SEL1L3: variants seen among roughly 807,000 people sequenced by gnomAD.
SEL1L3 encodes the protein SEL1L family member 3, also known as protein sel-1 homolog 3.
SEL1L3 carries 76 observed loss-of-function variants against 142.8 expected under a neutral mutation model. The ratio of observed to expected loss-of-function variants is 0.53; its 90% confidence interval spans 0.44 to 0.64. The LOEUF is 0.64. Ranked by LOEUF, SEL1L3 falls within the 30% of genes least tolerant of loss-of-function variation. SEL1L3 has a pLI of 0.00. For synonymous variants in SEL1L3, 504 were observed against 519.6 expected, an observed-to-expected ratio of 0.97 and a Z score of 0.41; for missense variants, 1,262 against 1,381.7, an observed-to-expected ratio of 0.91 and a Z score of 1.37.
chr4:25,735,685 T>C, the SEL1L3 span, among the ~76,000 whole-genome samples: 8 of 151,914 alleles, frequency 5.3e-5, no homozygotes, highest in Non-Finnish European at 1.0e-4. Flanking sequence ...ATGTTGTTTT[T>C]ATTATCTTTC....
chr4:25,814,970 C>A (rs544001885), intron 9 of SEL1L3, among the ~76,000 whole-genome samples: 1 of 152,182 alleles, frequency 6.6e-6, no homozygotes, highest in African/African-American at 2.4e-5. Flanking sequence ...CCAGTCCTTC[C>A]AATGTGACCT....
chr4:25,753,443 G>A (rs1031108234), intron 23 of SEL1L3, among the ~76,000 whole-genome samples: 1 of 152,202 alleles, frequency 6.6e-6, no homozygotes, highest in Non-Finnish European at 1.5e-5. Context: ...AGCACCCAGA[G>A]TTCATTATTA....
intron 17 of SEL1L3, among the ~76,000 whole-genome samples, chr4:25,770,769 GAAAAGAAAA>G (rs1719116942): frequency 6.9e-6 from 1 of 145,544 alleles, no homozygotes; most frequent in Admixed American, 6.8e-5. Flanking sequence ...GAAAAGAAAA[GAAAAGAAAA>G]AAAAGAAAAA....
chr4:25,749,139 G>A (rs942531486), intron 23 of SEL1L3, among the ~76,000 whole-genome samples: 4 of 152,156 alleles, frequency 2.6e-5, no homozygotes, highest in African/African-American at 9.7e-5. Context: ...GATAGGTACA[G>A]ATGGCAGACA....
the SEL1L3 span, chr4:25,719,298 A>G: frequency 1.3e-5 from 2 of 152,204 alleles, no homozygotes; most frequent in Admixed American, 1.3e-4. Flanking sequence ...GTGTAAAATA[A>G]GAAGTATGAG....
chr4:25,842,662 A>T (rs1473489754), intron 2 of SEL1L3, among the ~76,000 whole-genome samples: 1 of 152,228 alleles, frequency 6.6e-6, no homozygotes, highest in Non-Finnish European at 1.5e-5. Context: ...ACAGCCCTGC[A>T]AGGGTATCAG....
chr4:25,763,987 A>T (rs1039887607), intron 20 of SEL1L3, among the ~76,000 whole-genome samples: 10 of 152,244 alleles, frequency 6.6e-5, no homozygotes, highest in African/African-American at 2.4e-4. Flanking sequence ...AACCTCCATC[A>T]TGAAAATGAT....
chr4:25,845,549 G>A (rs1185090259), intron 2 of SEL1L3, among the ~76,000 whole-genome samples: 1 of 152,168 alleles, frequency 6.6e-6, no homozygotes, highest in Non-Finnish European at 1.5e-5. Flanking sequence ...AGGGTAAGTG[G>A]CTTCTGACCA....
At chr4:25,716,317 A>G in the SEL1L3 span, among the ~76,000 whole-genome samples, 51 of 152,320 alleles carry the variant, frequency 3.3e-4, no homozygotes, top group African/African-American at 1.2e-3. Flanking sequence ...CTATCATTTT[A>G]CTACAGTTGA....
intron 1 of SEL1L3, among the ~76,000 whole-genome samples, chr4:25,858,843 C>T (rs1254856885): frequency 6.6e-6 from 1 of 152,180 alleles, no homozygotes; most frequent in Non-Finnish European, 1.5e-5. Flanking sequence ...TTCGGCCTCC[C>T]AAAGTGCTGT....
chr4:25,806,770 T>G (rs1460655106), intron 9 of SEL1L3, among the ~76,000 whole-genome samples: 1 of 152,150 alleles, frequency 6.6e-6, no homozygotes, highest in Non-Finnish European at 1.5e-5. Flanking sequence ...CAGGAGGTGC[T>G]GAAAACATTC....
At chr4:25,832,075 G>A (rs141189202) in intron 5 of SEL1L3, among the ~76,000 whole-genome samples, 2 of 152,130 alleles carry the variant, frequency 1.3e-5, no homozygotes, top group African/African-American at 2.4e-5. Flanking sequence ...GTGGACCACC[G>A]CTATGTCACT....
intron 7 of SEL1L3, 68 bp from the exon 8 acceptor site, chr4:25,820,008 T>A (rs1434818764): frequency 6.7e-7 from 1 of 1,492,106 alleles, no homozygotes; most frequent in Non-Finnish European, 9.1e-7. Flanking sequence ...TCTAGGAGGA[T>A]GTGTTTGGGT....
downstream of SEL1L3, among the ~76,000 whole-genome samples, chr4:25,743,072 G>A (rs1346140979): frequency 2.0e-5 from 3 of 152,146 alleles, no homozygotes; most frequent in South Asian, 2.1e-4. Flanking sequence ...TGGTGACTGC[G>A]GCAAATCGGA....
chr4:25,751,649 T>TTA (rs1217065079), intron 23 of SEL1L3, among the ~76,000 whole-genome samples: 1 of 149,152 alleles, frequency 6.7e-6, no homozygotes, highest in Non-Finnish European at 1.5e-5. Flanking sequence ...TATGTATTCT[T>TTA]TATATATATA....
chr4:25,767,597 T>G lies in SEL1L3; in HGVS notation c.2773A>C (p.Arg925=). The G allele has an allele frequency of 6.3e-7, 1 of 1,599,180 alleles. No individual in the cohort carries two copies. The highest frequency in any genetic ancestry group is 8.5e-7 in the Non-Finnish European group (1 of 1,170,246). ...ICEERPDLAR[R]YLGVNCVWRY... ...CAAACACAGTTAACACCCAAGTATCTCCTGGCCAGGTCCTAAGGGGTAAAG... is the reference window on the plus strand; with the variant it reads ...CAAACACAGTTAACACCCAAGTATCGCCTGGCCAGGTCCTAAGGGGTAAAG... The change falls in exon 19 of 24, where the codon AGA becomes CGA. Residue 925 remains arginine (R), a synonymous_variant. Transcript: ENST00000399878.
At chr4:25,793,193 T>C (rs535878713) in intron 11 of SEL1L3, among the ~76,000 whole-genome samples, 17 of 152,300 alleles carry the variant, frequency 1.1e-4, no homozygotes, top group Admixed American at 1.1e-3. Flanking sequence ...CGGCTGGTTG[T>C]GGGGCCCACA....
Position 25,818,177 on chromosome 4 carries a change from TG to T in SEL1L3, c.1524del (p.Ser509AlafsTer12), listed in dbSNP as rs777999578. The T allele has an allele frequency of 1.2e-6, 2 of 1,610,634 alleles. No individual in the cohort carries two copies. The highest frequency in any genetic ancestry group is 2.7e-5 in the African/African-American group (2 of 74,900). Reference sequence around the variant, plus strand: ...ATCTCCAGCAATGCCTGGAACAAGCTGGGGTGTTTGTCTTTCAGCTCCTTCT... The same window carrying T: ...ATCTCCAGCAATGCCTGGAACAAGCTGGGTGTTTGTCTTTCAGCTCCTTCT... ...PWEKELKDKH[P>X]SLFQALLEMD... is the part of the protein sequence containing the mutation. On this transcript the variant is annotated frameshift_variant, in exon 9 of 24. Coordinates refer to ENST00000399878, the MANE Select transcript of SEL1L3 (RefSeq NM_015187.5). LOFTEE classifies it high-confidence loss of function.
intron 23 of SEL1L3, among the ~76,000 whole-genome samples, chr4:25,755,227 G>T (rs2109115777): frequency 6.6e-6 from 1 of 151,948 alleles, no homozygotes; most frequent in Middle Eastern, 3.4e-3. Flanking sequence ...AGGACTGCAG[G>T]CATGTGCAAT....
Sources: allele counts gnomAD v4.1 joint callset (sites outside exome capture counted in the v4.1 genomes callset), GRCh38; gene constraint gnomAD v4.1.1; transcripts MANE v1.5; gene names NCBI Gene and HGNC (gene_info 2026-07-23, HGNC 2026-07-21).